The following ACOX3 variants were observed in gnomAD, a reference collection of about 807,000 sequenced individuals.
ACOX3 encodes peroxisomal acyl-coenzyme A oxidase 3.
In ACOX3, 73 loss-of-function variants were observed where a neutral mutation model predicts 81.5. The observed-to-expected ratio is 0.90, with a 90% CI of 0.74 to 1.09. The LOEUF is 1.09. Among genes scored for constraint, ACOX3 ranks in the 50% least tolerant of loss-of-function variants. The pLI, the probability that ACOX3 is intolerant of heterozygous loss-of-function variation, is 0.00. For missense variants in ACOX3, 947 were observed against 928.0 expected (o/e 1.02, Z -0.27); for synonymous variants, 387 against 375.1 (o/e 1.03, Z -0.37).
chr4:8,379,928 G>C (rs770246981), intron 14 of ACOX3, among the ~76,000 whole-genome samples: 5 of 152,110 alleles, frequency 3.3e-5, no homozygotes, highest in Non-Finnish European at 7.4e-5. Flanking sequence ...TGGCATTACA[G>C]ACATGAGCCA....
At position 8,379,710 on chromosome 4, in the gene ACOX3, G is replaced by A. The variant is rs555028477; in HGVS notation, c.1653+1782C>T. Among the ~76,000 whole-genome samples the A allele has an allele frequency of 2.0e-4, 30 of 152,288 alleles. No individual in the cohort carries two copies. The East Asian group carries it at 3.7e-3, about 19-fold the overall frequency. On this transcript the variant is annotated intron_variant, in intron 14 of 17. Transcript: ENST00000356406. ...TAAGAGACACAGGTGTTGTTAGGAA[G>A]GGGGTCCTTTTGTGCCCCCCATCTC...
At chr4:8,383,603 T>A (rs1717963352) in intron 13 of ACOX3, among the ~76,000 whole-genome samples, 1 of 152,172 alleles carries the variant, frequency 6.6e-6, no homozygotes, top group Admixed American at 6.5e-5. Context: ...CCCTGCCCCA[T>A]CCTGACTTGG....
rs1230172414 is a variant in ACOX3 at position 8,410,855 on chromosome 4, C to T, written c.544-500G>A. ...ACAGTTATATCCCAAATGCCCCGAG[C>T]ACAAGGCAGCCGCTCAGAACATCAG... On this transcript the variant is annotated intron_variant, in intron 5 of 17. Transcript: ENST00000356406. Among the ~76,000 whole-genome samples, 3 of 152,234 alleles carry T rather than the reference C, an allele frequency of 2.0e-5. No homozygotes were observed. The East Asian group carries it at 5.8e-4, about 29-fold the overall frequency.
At chr4:8,359,351 G>A in the ACOX3 span, among the ~76,000 whole-genome samples, 3 of 152,120 alleles carry the variant, frequency 2.0e-5, no homozygotes, top group African/African-American at 7.2e-5. This position sits in a 1 kb window ranked among gnomAD's most constrained non-coding sequence, Gnocchi z 6.0. Flanking sequence ...AGACACAGTG[G>A]GTTAGAGGCC....
intron 1 of ACOX3, among the ~76,000 whole-genome samples, chr4:8,434,294 C>T (rs1443295798): frequency 6.6e-6 from 1 of 152,236 alleles, no homozygotes; most frequent in Non-Finnish European, 1.5e-5. Context: ...TCTTAAGCCA[C>T]AAGTCTGCCA....
intron 1 of ACOX3, among the ~76,000 whole-genome samples, chr4:8,433,956 G>A (rs1724086579): frequency 6.6e-6 from 1 of 152,144 alleles, no homozygotes. Flanking sequence ...TCATAAGACA[G>A]GAGGAAAGAG....
Position 8,416,502 on chromosome 4 carries a change from C to A in ACOX3, c.20G>T (p.Gly7Val). The change falls in exon 2 of 18, where the codon GGA becomes GTA. Residue 7 changes from glycine (G) to valine (V), a missense_variant. Physicochemically the swap from Gly to Val is moderately radical, Grantham distance 109. Coordinates refer to ENST00000356406, the MANE Select transcript of ACOX3 (RefSeq NM_003501.3). The surrounding 1 kb of genome is among the most constrained non-coding windows in gnomAD (Gnocchi z 4.2). ...TTCTGGGAGCAGAGCTGTGTCGCCT[C>A]CTTCCACAGTGGATGCCATCGCGTG... is the stretch of plus-strand genomic sequence containing the variant. The part of the protein sequence containing the change: MASTVE[G>V]GDTALLPEFP... 6.2e-7 allele frequency: 1 copy of A among 1,610,610 alleles called. No individual in the cohort carries two copies. Among genetic ancestry groups the A allele is most frequent in the African/African-American group, 1.3e-5 (1 of 74,934 alleles).
At chr4:8,357,645 C>T in the ACOX3 span, 2 of 280,262 alleles carry the variant, frequency 7.1e-6, no homozygotes, top group Non-Finnish European at 1.4e-5. Flanking sequence ...ATGACTATTA[C>T]AAAAAATGTA....
At chr4:8,408,930 G>A (rs1467968836) in intron 6 of ACOX3, among the ~76,000 whole-genome samples, 1 of 109,414 alleles carries the variant, frequency 9.1e-6, no homozygotes, top group Non-Finnish European at 1.8e-5. Context: ...GCGGTCTGAG[G>A]CTCACCCCAG....
intron 1 of ACOX3, among the ~76,000 whole-genome samples, chr4:8,420,880 G>A (rs1295611630): frequency 6.6e-6 from 1 of 152,194 alleles, no homozygotes; most frequent in Non-Finnish European, 1.5e-5. Context: ...GCTCACCATT[G>A]TTCCTGCATG....
chr4:8,370,590 G>A lies in ACOX3; in HGVS notation c.1983+318C>T, dbSNP rs537989571. Among the ~76,000 whole-genome samples, 42 of 152,068 alleles carry A rather than the reference G, an allele frequency of 2.8e-4. No homozygotes were observed. Among genetic ancestry groups the A allele is most frequent in the Admixed American group, 1.1e-3 (17 of 15,280 alleles). ...GGTAAGACCTGGGACCGGGGAGGCCGGGGGGAGTGGGAGGAGGGCAGAGGT... is the reference window on the plus strand; with the variant it reads ...GGTAAGACCTGGGACCGGGGAGGCCAGGGGGAGTGGGAGGAGGGCAGAGGT... On this transcript the variant is annotated intron_variant, in intron 17 of 17. Transcript: ENST00000356406. The surrounding 1 kb of genome is among the most constrained non-coding windows in gnomAD (Gnocchi z 6.3).
intron 1 of ACOX3, among the ~76,000 whole-genome samples, chr4:8,427,945 T>C (rs1283096315): frequency 2.0e-5 from 3 of 152,222 alleles, no homozygotes; most frequent in Non-Finnish European, 4.4e-5. Context: ...GTCATCCAAA[T>C]ACAGTGACGC....
At chr4:8,374,800 T>C (rs1253495161) in intron 15 of ACOX3, 178 bp downstream of exon 15, 1 of 638,818 alleles carries the variant, frequency 1.6e-6, no homozygotes, top group Non-Finnish European at 2.4e-6. Flanking sequence ...ACCCTGACGC[T>C]GCTCTGCCCC....
intron 11 of ACOX3, among the ~76,000 whole-genome samples, chr4:8,391,649 T>C (rs1263393007): frequency 2.0e-5 from 3 of 152,230 alleles, no homozygotes; most frequent in Non-Finnish European, 4.4e-5. Context: ...TTACACTTCA[T>C]ACGTGGTAAT....
chr4:8,413,035 G>A (rs1721905549), intron 5 of ACOX3, among the ~76,000 whole-genome samples: 1 of 145,166 alleles, frequency 6.9e-6, no homozygotes, highest in African/African-American at 2.6e-5. Flanking sequence ...ACAGCCCCAG[G>A]GCATCCATCT....
At position 8,405,423 on chromosome 4, in the gene ACOX3, A is replaced by C. The variant is rs1047309050; in HGVS notation, c.776+532T>G. ...CTTCAGCCAGGCCTTGGCCACACCA[A>C]CCCGGTGTCACATGTGTGCTGCTAA... is the stretch of plus-strand genomic sequence containing the variant. On this transcript the variant is annotated intron_variant, in intron 7 of 17. Coordinates refer to ENST00000356406, the MANE Select transcript of ACOX3 (RefSeq NM_003501.3). The surrounding 1 kb of genome is among the most constrained non-coding windows in gnomAD (Gnocchi z 7.1). Among the ~76,000 whole-genome samples the C allele has an allele frequency of 4.6e-5, 7 of 152,024 alleles. No individual in the cohort carries two copies. Among genetic ancestry groups the C allele is most frequent in the Admixed American group, 2.0e-4 (3 of 15,270 alleles).
intron 5 of ACOX3, among the ~76,000 whole-genome samples, chr4:8,410,837 T>C (rs1301475220): frequency 2.6e-5 from 4 of 152,196 alleles, no homozygotes; most frequent in African/African-American, 7.2e-5. Flanking sequence ...TTGACAGTTA[T>C]ATCCCAAATG....
At position 8,382,538 on chromosome 4, in the gene ACOX3, C is replaced by T. The variant is rs569269854; in HGVS notation, c.1538-931G>A. On this transcript the variant is annotated intron_variant, in intron 13 of 17. Transcript: ENST00000356406. The surrounding 1 kb of genome is among the most constrained non-coding windows in gnomAD (Gnocchi z 4.1). ...GAGGGCCTGGCGCCCAGACACGAGG[C>T]ACCTCCAGGCTGCAGGGGCCTTCTG... Among the ~76,000 whole-genome samples, 12 of 152,344 alleles carry T rather than the reference C, an allele frequency of 7.9e-5. No individual in the cohort carries two copies. Among genetic ancestry groups the T allele is most frequent in the Middle Eastern group, 3.4e-3 (1 of 294 alleles).
rs1201676156 is a variant in ACOX3 at position 8,437,510 on chromosome 4, A to T, written c.-15+3138T>A. On this transcript the variant is annotated intron_variant, in intron 1 of 17. Transcript: ENST00000356406. The surrounding 1 kb of genome is among the most constrained non-coding windows in gnomAD (Gnocchi z 5.2). ...CACTGCCTGGCCCCGCCAGGTGGCC[A>T]TAGAAGCAGGAGAACTCAGGAAGGA... 6.6e-6 allele frequency among the ~76,000 whole-genome samples: 1 copy of T among 152,128 alleles called. No individual in the cohort carries two copies. The highest frequency in any genetic ancestry group is 1.5e-5 in the Non-Finnish European group (1 of 68,048).
Sources: gnomAD v4.1 joint callset for allele counts (sites outside exome capture counted in the v4.1 genomes callset) on GRCh38, gnomAD v4.1.1 for gene constraint, Gnocchi (gnomAD v3.1) non-coding constraint, MANE v1.5 for transcripts, NCBI Gene and HGNC (gene_info 2026-07-23, HGNC 2026-07-21) for gene names.